IL1RAPL1: variants seen among roughly 807,000 people sequenced by gnomAD.
The protein encoded by IL1RAPL1 is interleukin-1 receptor accessory protein-like 1.
In IL1RAPL1, 3 loss-of-function variants were observed where a neutral mutation model predicts 48.4. The observed-to-expected ratio is 0.06, with a 90% CI of 0.03 to 0.16. The LOEUF (loss-of-function observed/expected upper bound fraction) is 0.16, where lower values mean the gene tolerates loss of function less well. IL1RAPL1 is among the 10% of genes least tolerant of loss of function. The probability of loss-of-function intolerance (pLI) is 1.00; values close to 1 mark genes in which losing one functional copy is unlikely to be tolerated. For synonymous variants in IL1RAPL1, 185 were observed against 187.7 expected, an observed-to-expected ratio of 0.99 and a Z score of 0.12; for missense variants, 349 against 530.6, an observed-to-expected ratio of 0.66 and a Z score of 3.36.
chrX:28,985,728 C>T (rs1289164918), intron 2 of IL1RAPL1, among the ~76,000 whole-genome samples: 15 of 102,537 alleles, frequency 1.5e-4, no homozygotes, highest in Non-Finnish European at 1.4e-4. Context: ...GGCGCGATCT[C>T]GGCTCACTAC....
At chrX:28,940,271 G>A (rs1389283838) in intron 2 of IL1RAPL1, among the ~76,000 whole-genome samples, 1 of 110,989 alleles carries the variant, frequency 9.0e-6, no homozygotes, top group African/African-American at 3.3e-5. Flanking sequence ...ATGAGAAACA[G>A]TAAATTATTG....
intron 6 of IL1RAPL1, among the ~76,000 whole-genome samples, chrX:29,837,272 A>AATATATATATATAT (rs1229668903): frequency 2.8e-5 from 2 of 72,142 alleles, no homozygotes; most frequent in African/African-American, 1.2e-4. Flanking sequence ...AAAAAAAAAA[A>AATATATATATATAT]ATATATATAT....
chrX:29,406,186 A>C (rs369430500), intron 5 of IL1RAPL1, among the ~76,000 whole-genome samples: 35 of 111,347 alleles, frequency 3.1e-4, no homozygotes, highest in African/African-American at 1.0e-3. Context: ...TCAGGAGATC[A>C]AGACCATCCT....
intron 3 of IL1RAPL1, among the ~76,000 whole-genome samples, chrX:29,366,769 A>G (rs777181768): frequency 3.7e-5 from 4 of 107,882 alleles, no homozygotes; most frequent in African/African-American, 1.0e-4. Context: ...GGGTTTCACC[A>G]TGTTAGTCAG....
At chrX:28,787,082 A>G (rs1264415369) in intron 1 of IL1RAPL1, among the ~76,000 whole-genome samples, 1 of 112,374 alleles carries the variant, frequency 8.9e-6, no homozygotes, top group Non-Finnish European at 1.9e-5. Flanking sequence ...CAAGAGATTC[A>G]GTTAAGGATC....
At chrX:29,637,853 G>A (rs758493398) in intron 5 of IL1RAPL1, among the ~76,000 whole-genome samples, 27 of 112,010 alleles carry the variant, frequency 2.4e-4, no homozygotes, top group Non-Finnish European at 4.3e-4. Flanking sequence ...ATAGAATGGT[G>A]TACATAGAAA....
At chrX:29,645,187 G>A (rs111729097) in intron 5 of IL1RAPL1, among the ~76,000 whole-genome samples, 15,442 of 111,241 alleles carry the variant, frequency 0.14, 1,164 homozygotes, top group African/African-American at 0.28. Context: ...ATATTTTTCA[G>A]TGGGGTGGAG....
At chrX:29,875,561 G>A (rs7889491) in intron 6 of IL1RAPL1, among the ~76,000 whole-genome samples, 3,571 of 111,224 alleles carry the variant, frequency 0.032, 130 homozygotes, top group African/African-American at 0.11. Context: ...AGTGATTTTC[G>A]TGCACACTAA....
At chrX:29,822,571 A>C (rs2147183822) in intron 6 of IL1RAPL1, among the ~76,000 whole-genome samples, 1 of 110,142 alleles carries the variant, frequency 9.1e-6, no homozygotes, top group African/African-American at 3.3e-5. Flanking sequence ...ATTACAGTAT[A>C]ATGTTTTAAA....
intron 6 of IL1RAPL1, among the ~76,000 whole-genome samples, chrX:29,831,337 C>T (rs1484525009): frequency 9.0e-6 from 1 of 111,280 alleles, no homozygotes; most frequent in Non-Finnish European, 1.9e-5. Flanking sequence ...AATCACTACT[C>T]ATATTGTGTG....
intron 2 of IL1RAPL1, among the ~76,000 whole-genome samples, chrX:29,152,925 A>G (rs1189078104): frequency 8.9e-6 from 1 of 112,227 alleles, no homozygotes; most frequent in Non-Finnish European, 1.9e-5. Context: ...GCTATAATAA[A>G]TTAACATAAA....
chrX:28,882,445 C>A, intron 2 of IL1RAPL1, among the ~76,000 whole-genome samples: 2 of 111,848 alleles, frequency 1.8e-5, no homozygotes, highest in Non-Finnish European at 3.8e-5. Flanking sequence ...GAGTTTGAGA[C>A]CAGCCTGGCC....
chrX:29,076,366 A>G (rs914557878), intron 2 of IL1RAPL1, among the ~76,000 whole-genome samples: 3 of 111,911 alleles, frequency 2.7e-5, no homozygotes, highest in Non-Finnish European at 5.6e-5. Context: ...GTGTATACCT[A>G]CCTCCAAACA....
chrX:29,941,976 T>C (rs774781456), intron 9 of IL1RAPL1, among the ~76,000 whole-genome samples, 182 bp downstream of exon 9: 29 of 112,393 alleles, frequency 2.6e-4, no homozygotes, highest in Non-Finnish European at 5.1e-4. Context: ...GCCAATACTG[T>C]AGGTATTTTC....
chrX:29,491,755 G>A (rs182462165), intron 5 of IL1RAPL1, among the ~76,000 whole-genome samples: 32 of 110,964 alleles, frequency 2.9e-4, no homozygotes, highest in South Asian at 1.5e-3. Flanking sequence ...TCGCCCAGGC[G>A]TTTCAGTTGC....
At chrX:28,985,800 C>T (rs1925457477) in intron 2 of IL1RAPL1, among the ~76,000 whole-genome samples, 1 of 109,546 alleles carries the variant, frequency 9.1e-6, no homozygotes, top group Non-Finnish European at 1.9e-5. Context: ...GCTGGGACTA[C>T]AGGCGCCCGC....
At chrX:28,862,461 G>A (rs184897624) in intron 2 of IL1RAPL1, among the ~76,000 whole-genome samples, 86 of 111,748 alleles carry the variant, frequency 7.7e-4, no homozygotes, top group African/African-American at 2.7e-3. Context: ...TGATTAAATT[G>A]GGCAGAGAAA....
chrX:29,461,106 A>T (rs965508903), intron 5 of IL1RAPL1, among the ~76,000 whole-genome samples: 2 of 111,990 alleles, frequency 1.8e-5, no homozygotes, highest in African/African-American at 6.5e-5. Flanking sequence ...ACACATTTAA[A>T]AAAATAGCAA....
intron 2 of IL1RAPL1, among the ~76,000 whole-genome samples, chrX:28,921,315 C>G (rs1261911340): frequency 9.0e-6 from 1 of 111,501 alleles, no homozygotes; most frequent in African/African-American, 3.3e-5. Flanking sequence ...AAGATGCAAC[C>G]CAATTTTCAA....
Sources: allele counts gnomAD v4.1 joint callset (sites outside exome capture counted in the v4.1 genomes callset), GRCh38; gene constraint gnomAD v4.1.1; transcripts MANE v1.5; gene names NCBI Gene and HGNC (gene_info 2026-07-23, HGNC 2026-07-21).